RPS6KA2: variants seen among roughly 807,000 people sequenced by gnomAD.
RPS6KA2 encodes ribosomal protein S6 kinase A2, also known as ribosomal protein S6 kinase alpha-2.
A neutral mutation model predicts 91.8 loss-of-function variants in RPS6KA2; 42 were observed. The observed-to-expected ratio is 0.46, with a 90% CI of 0.36 to 0.59. The LOEUF is 0.59. Ranked by LOEUF, RPS6KA2 falls within the 20% of genes least tolerant of loss-of-function variation. The pLI is 0.00. For synonymous variants in RPS6KA2, 414 were observed against 393.6 expected (o/e 1.05, Z -0.61); for missense variants, 798 against 978.5 (o/e 0.82, Z 2.46).
intron 2 of RPS6KA2, among the ~76,000 whole-genome samples, chr6:166,679,728 C>G (rs1017123576): frequency 3.5e-4 from 53 of 152,220 alleles, no homozygotes; most frequent in Admixed American, 7.2e-4. Context: ...GAGGCCGGAG[C>G]CGGCTCTCTC....
intron 2 of RPS6KA2, among the ~76,000 whole-genome samples, chr6:166,727,319 AACACAC>A (rs10541160): frequency 3.6e-4 from 53 of 146,642 alleles, no homozygotes; most frequent in African/African-American, 9.1e-4. Flanking sequence ...TAAACAAACA[AACACAC>A]ACACACACAC....
intron 2 of RPS6KA2, among the ~76,000 whole-genome samples, chr6:166,790,968 T>C (rs57486569): frequency 0.049 from 7,426 of 152,052 alleles, 605 homozygotes; most frequent in African/African-American, 0.17. Flanking sequence ...ACGAGCAAAA[T>C]AACCAGCTAA....
At chr6:166,640,608 C>T (rs1787400343) in intron 2 of RPS6KA2, among the ~76,000 whole-genome samples, 1 of 152,176 alleles carries the variant, frequency 6.6e-6, no homozygotes, top group Non-Finnish European at 1.5e-5. Flanking sequence ...TCCCGGAACA[C>T]ATGAGAATGC....
intron 3 of RPS6KA2, among the ~76,000 whole-genome samples, chr6:166,514,920 C>T (rs1161173324): frequency 6.6e-6 from 1 of 152,150 alleles, no homozygotes; most frequent in East Asian, 1.9e-4. Flanking sequence ...GAAGAGGCCA[C>T]CTGCATTCTC....
At chr6:166,858,287 G>A (rs1454313435) in intron 1 of RPS6KA2, 2 of 1,361,514 alleles carry the variant, frequency 1.5e-6, no homozygotes, top group Non-Finnish European at 2.1e-6. Flanking sequence ...TGTTAAAGAT[G>A]GTTAGCATTG....
chr6:166,699,702 C>T (rs373216861), intron 2 of RPS6KA2, among the ~76,000 whole-genome samples: 2 of 152,262 alleles, frequency 1.3e-5, no homozygotes, highest in East Asian at 1.9e-4. Flanking sequence ...CAAATGAGTT[C>T]GGTATCAAAG....
intron 2 of RPS6KA2, among the ~76,000 whole-genome samples, chr6:166,718,363 T>A (rs1346062581): frequency 2.7e-5 from 4 of 147,774 alleles, no homozygotes; most frequent in African/African-American, 9.9e-5. Context: ...CTCAGCCTTA[T>A]GTGAGGCTGT....
At chr6:166,842,338 G>A (rs894303157) in intron 2 of RPS6KA2, among the ~76,000 whole-genome samples, 53 of 152,298 alleles carry the variant, frequency 3.5e-4, no homozygotes, top group African/African-American at 4.8e-4. Context: ...ATATAACTGC[G>A]TTCTTAGAAC....
At position 166,538,725 on chromosome 6, in the gene RPS6KA2, C is replaced by T. The variant is rs1328608674; in HGVS notation, c.159G>A (p.Lys53=). 7 of 1,612,522 alleles carry T rather than the reference C, an allele frequency of 4.3e-6. No homozygotes were observed. In the Admixed American group the frequency reaches 1.0e-4, roughly 23 times the overall value. ...ISHHVKEGFE[K]ADPSQFELLK... ...GCAGCTCAAACTGGGAAGGATCTGC[C>T]TTCTCAAAGCCCTCCTTCACATGAT... The change falls in exon 2 of 21, where the codon AAG becomes AAA. Residue 53 remains lysine (K), a synonymous_variant. Transcript: ENST00000265678.
intron 2 of RPS6KA2, among the ~76,000 whole-genome samples, chr6:166,699,827 A>G (rs544093003): frequency 6.6e-5 from 10 of 152,304 alleles, no homozygotes; most frequent in African/African-American, 2.4e-4. Context: ...ATCCTGCTAT[A>G]TTTTACTACT....
rs528315905 is a variant in RPS6KA2 at position 166,642,788 on chromosome 6, C to T, written c.124-104004G>A. Among the ~76,000 whole-genome samples the T allele has an allele frequency of 2.9e-4, 44 of 152,338 alleles. No homozygotes were observed. The South Asian group carries it at 3.9e-3, about 14-fold the overall frequency. On this transcript the variant is annotated intron_variant, in intron 2 of 21. Transcript: ENST00000503859. The stretch of plus-strand genomic sequence containing the variant: ...AATACCAACTGTTGGGAAGGGCCAC[C>T]GCCATGGGTCCTGAGCGTCACTGCA...
intron 1 of RPS6KA2, among the ~76,000 whole-genome samples, chr6:166,602,510 G>A (rs1785780386): frequency 6.6e-6 from 1 of 152,238 alleles, no homozygotes; most frequent in Non-Finnish European, 1.5e-5. Flanking sequence ...GGCACAGTCA[G>A]ATGAAATACC....
In RPS6KA2 at chr6:166,596,456, C is replaced by T. The variant is rs147544728; in HGVS notation, c.99+30465G>A. On this transcript the variant is annotated intron_variant, in intron 1 of 20. Transcript: ENST00000265678. ...AGGCAGGAGAAGATGGAAGAGCAGA[C>T]TTGCTGAGTCTTCTGGTCTTCATCT... 3.2e-3 allele frequency among the ~76,000 whole-genome samples: 487 copies of T among 152,272 alleles called. 1 individual carries two copies. Among genetic ancestry groups the T allele is most frequent in the Middle Eastern group, 6.8e-3 (2 of 294 alleles).
chr6:166,731,780 G>A (rs539220352), intron 2 of RPS6KA2, among the ~76,000 whole-genome samples: 11 of 152,196 alleles, frequency 7.2e-5, no homozygotes, highest in Non-Finnish European at 1.2e-4. Context: ...AATTTGCACG[G>A]ACTGAAGCTC....
chr6:166,710,367 A>C (rs1007094958), intron 2 of RPS6KA2, among the ~76,000 whole-genome samples: 11 of 152,066 alleles, frequency 7.2e-5, no homozygotes, highest in Non-Finnish European at 1.6e-4. Context: ...ACCATAATGT[A>C]CTTTGTTCTG....
At chr6:166,425,068 T>C (rs764727274) in intron 16 of RPS6KA2, among the ~76,000 whole-genome samples, 1 of 146,962 alleles carries the variant, frequency 6.8e-6, no homozygotes, top group Non-Finnish European at 1.5e-5. Context: ...CCTGGAAGGA[T>C]GGAAGGGAAA....
At chr6:166,414,371 C>T (rs977670223) in intron 19 of RPS6KA2, among the ~76,000 whole-genome samples, 8 of 152,072 alleles carry the variant, frequency 5.3e-5, no homozygotes, top group Middle Eastern at 3.4e-3. Context: ...AATCAGAAAC[C>T]GCAAAATCTA....
intron 1 of RPS6KA2, among the ~76,000 whole-genome samples, chr6:166,584,616 T>C (rs1352993008): frequency 6.6e-6 from 1 of 152,230 alleles, no homozygotes; most frequent in Non-Finnish European, 1.5e-5. Flanking sequence ...GCTCTCCAGA[T>C]GTTAAGGAAA....
At chr6:166,699,717 T>C (rs1341125937) in intron 2 of RPS6KA2, among the ~76,000 whole-genome samples, 4 of 152,252 alleles carry the variant, frequency 2.6e-5, no homozygotes, top group Admixed American at 2.6e-4. Context: ...TCAAAGGTCA[T>C]ATGTTTTCAC....
Sources: allele counts gnomAD v4.1 joint callset (sites outside exome capture counted in the v4.1 genomes callset), GRCh38; gene constraint gnomAD v4.1.1; transcripts MANE v1.5; gene names NCBI Gene and HGNC (gene_info 2026-07-23, HGNC 2026-07-21).